Variants in PRUNE2 observed in about 807,000 individuals in gnomAD.
The protein encoded by PRUNE2 is protein prune homolog 2.
In PRUNE2, 164 loss-of-function variants were observed where a neutral mutation model predicts 252.0. The ratio of observed to expected loss-of-function variants is 0.65; its 90% CI spans 0.57 to 0.74. The LOEUF (loss-of-function observed/expected upper bound fraction) is 0.74, where lower values mean the gene tolerates loss of function less well. PRUNE2 is among the 30% of genes least tolerant of loss of function. PRUNE2 has a pLI of 0.00. For synonymous variants in PRUNE2, 1,292 were observed against 1,350.2 expected (o/e 0.96, Z 0.94); for missense variants, 3,495 against 3,711.0 (o/e 0.94, Z 1.51).
At chr9:76,777,673 T>C (rs1398524167) in intron 6 of PRUNE2, among the ~76,000 whole-genome samples, 3 of 152,186 alleles carry the variant, frequency 2.0e-5, no homozygotes, top group African/African-American at 7.2e-5. Context: ...ACAATACATA[T>C]ATAAACAAGT....
Position 76,709,225 on chromosome 9 carries a change from G to T in PRUNE2, c.3049C>A (p.Gln1017Lys), listed in dbSNP as rs775092510. 6.2e-7 allele frequency: 1 copy of T among 1,613,884 alleles called. No homozygotes were observed. The highest frequency in any genetic ancestry group is 1.1e-5 in the South Asian group (1 of 91,080). Residue 1017 changes from glutamine (Q) to lysine (K), a missense_variant, in exon 8 of 19, where the codon CAG (glutamine) becomes AAG (lysine). Gln to Lys is a moderately conservative substitution (Grantham distance 53). Transcript: ENST00000376718. ...ETDIPPQSLQ[Q>K]SSRNRISSGP... The stretch of plus-strand genomic sequence containing the variant: ...GAACTGATTCGATTTCGAGATGACT[G>T]TTGCAGTGACTGAGGAGGAATGTCA...
At chr9:76,813,892 C>T (rs2057519404) in intron 6 of PRUNE2, among the ~76,000 whole-genome samples, 4 of 152,202 alleles carry the variant, frequency 2.6e-5, no homozygotes. Context: ...TCTTGGCTCA[C>T]AGCAACCTCC....
intron 6 of PRUNE2, among the ~76,000 whole-genome samples, chr9:76,724,477 A>C (rs1316440147): frequency 3.3e-5 from 5 of 151,946 alleles, no homozygotes; most frequent in Admixed American, 2.0e-4. Flanking sequence ...ACCCTGTCAC[A>C]CAGACACACA....
intron 9 of PRUNE2, among the ~76,000 whole-genome samples, chr9:76,697,139 T>C (rs907456780): frequency 3.9e-5 from 6 of 152,162 alleles, no homozygotes; most frequent in South Asian, 2.1e-4. Flanking sequence ...GAGATTTTTT[T>C]CCCCCTAAAG....
chr9:76,832,671 G>A (rs2058734766), intron 4 of PRUNE2, among the ~76,000 whole-genome samples: 1 of 151,558 alleles, frequency 6.6e-6, no homozygotes, highest in Non-Finnish European at 1.5e-5. Context: ...AAGGTAGAAG[G>A]ACAAATATAA....
chr9:76,887,897 G>A (rs759995019), intron 1 of PRUNE2, among the ~76,000 whole-genome samples: 3 of 152,066 alleles, frequency 2.0e-5, no homozygotes, highest in Admixed American at 6.6e-5. Flanking sequence ...ATAAAGAACC[G>A]CACCTAAAAT....
intron 6 of PRUNE2, among the ~76,000 whole-genome samples, chr9:76,790,919 T>G (rs1302861316): frequency 2.0e-5 from 3 of 152,208 alleles, no homozygotes; most frequent in African/African-American, 4.8e-5. Flanking sequence ...TGACCAAACT[T>G]TTTGAAGTCA....
At chr9:76,816,888 C>T (rs1051709311) in intron 6 of PRUNE2, among the ~76,000 whole-genome samples, 3 of 152,296 alleles carry the variant, frequency 2.0e-5, no homozygotes, top group East Asian at 1.9e-4. Flanking sequence ...CCTTCCTACA[C>T]GATCTGTCCT....
chr9:76,731,676 C>A (rs979475033), intron 6 of PRUNE2, among the ~76,000 whole-genome samples: 5 of 152,062 alleles, frequency 3.3e-5, no homozygotes, highest in Non-Finnish European at 2.9e-5. Flanking sequence ...CTTTCTAGTA[C>A]GTACCAAAAA....
chr9:76,675,776 G>A (rs1489054103), intron 9 of PRUNE2, among the ~76,000 whole-genome samples: 1 of 128,570 alleles, frequency 7.8e-6, no homozygotes, highest in Non-Finnish European at 1.7e-5. Flanking sequence ...GGACATGGAT[G>A]AAATTGGAAA....
chr9:76,725,356 G>C (rs1162570753), intron 6 of PRUNE2, among the ~76,000 whole-genome samples: 1 of 152,162 alleles, frequency 6.6e-6, no homozygotes, highest in Admixed American at 6.5e-5. Context: ...TCTTGTCAGA[G>C]GTGCTTCATC....
chr9:76,637,315 T>C, intron 14 of PRUNE2, 103 bp downstream of exon 14: 1 of 1,133,606 alleles, frequency 8.8e-7, no homozygotes, highest in East Asian at 2.4e-5. Context: ...TGAGACTTGG[T>C]TTCTTCTTGT....
rs535515685 is a variant in PRUNE2 at position 76,850,453 on chromosome 9, T to A, written c.344+10A>T. 49 of 1,609,476 alleles carry A rather than the reference T, an allele frequency of 3.0e-5. No homozygotes were observed. The South Asian group carries it at 5.4e-4, about 18-fold the overall frequency. On this transcript the variant is annotated intron_variant, in intron 3 of 18. Coordinates refer to ENST00000376718, the MANE Select transcript of PRUNE2 (RefSeq NM_015225.3). ...GGGATTAAACCTCAGAGCTTCACAGTGGATCTTACCTCGCCAGCACACTGC... is the reference window on the plus strand; with the variant it reads ...GGGATTAAACCTCAGAGCTTCACAGAGGATCTTACCTCGCCAGCACACTGC...
intron 9 of PRUNE2, among the ~76,000 whole-genome samples, chr9:76,698,961 T>C (rs965651041): frequency 6.6e-6 from 1 of 152,134 alleles, no homozygotes; most frequent in African/African-American, 2.4e-5. Flanking sequence ...TCCACAAGTA[T>C]GAGGGTCAGG....
chr9:76,637,369 T>C, intron 14 of PRUNE2, 49 bp downstream of exon 14: 1 of 1,593,798 alleles, frequency 6.3e-7, no homozygotes, highest in Non-Finnish European at 8.6e-7. Flanking sequence ...TTGTTTAGTC[T>C]TCAGTTTACC....
chr9:76,618,717 G>A (rs786319), intron 18 of PRUNE2, among the ~76,000 whole-genome samples: 123,587 of 152,172 alleles, frequency 0.81, 50,504 homozygotes, highest in Admixed American at 0.86. Flanking sequence ...AAAACAGTGG[G>A]CTGGTCAGAT....
intron 6 of PRUNE2, among the ~76,000 whole-genome samples, chr9:76,793,122 C>G (rs1053750434): frequency 2.0e-5 from 3 of 152,148 alleles, no homozygotes; most frequent in Non-Finnish European, 1.5e-5. Context: ...AATATACAGG[C>G]AAAGCAGAGT....
Position 76,703,753 on chromosome 9 carries a change from CG to C in PRUNE2, c.7859del (p.Thr2620ArgfsTer61). ...SAEKMSSKSDTRSSFESPAQD... is the reference protein window; with the variant it reads ...SAEKMSSKSDXRSSFESPAQD... ...GTGCAGGGCTTTCAAAAGATGATCTCGTATCGCTTTTAGAAGACATTTTCTC... is the reference window on the plus strand; with the variant it reads ...GTGCAGGGCTTTCAAAAGATGATCTCTATCGCTTTTAGAAGACATTTTCTC... On this transcript the variant is annotated frameshift_variant, in exon 9 of 19. Transcript: ENST00000376718. LOFTEE classifies it high-confidence loss of function. 17 of 1,613,698 alleles carry C rather than the reference CG, an allele frequency of 1.1e-5. No individual in the cohort carries two copies. Among genetic ancestry groups the C allele is most frequent in the Non-Finnish European group, 1.4e-5 (16 of 1,179,856 alleles).
chr9:76,792,659 TTAAAGA>T (rs1430415016), intron 6 of PRUNE2, among the ~76,000 whole-genome samples: 8 of 152,234 alleles, frequency 5.3e-5, no homozygotes, highest in East Asian at 1.9e-4. Context: ...TGTCCACTAC[TTAAAGA>T]TAAATATTTT....
Sources: allele counts gnomAD v4.1 joint callset (sites outside exome capture counted in the v4.1 genomes callset), GRCh38; gene constraint gnomAD v4.1.1; transcripts MANE v1.5; gene names NCBI Gene and HGNC (gene_info 2026-07-23, HGNC 2026-07-21).